SMARCC1: variants seen among roughly 807,000 people sequenced by gnomAD.
SMARCC1 encodes SWI/SNF related BAF chromatin remodeling complex subunit C1.
Under a neutral mutation model 147.4 loss-of-function variants are expected in SMARCC1, and 43 were observed. That is an observed-to-expected ratio of 0.29 (90% CI 0.23 to 0.38). The LOEUF is 0.38. SMARCC1 is among the 10% of genes least tolerant of loss of function. The pLI, the probability that SMARCC1 is intolerant of heterozygous loss-of-function variation, is 1.00. For synonymous variants in SMARCC1, 495 were observed against 484.4 expected (o/e 1.02, Z -0.29); for missense variants, 1,119 against 1,381.1 (o/e 0.81, Z 3.01).
chr3:47,756,611 A>G (rs1172705448), intron 2 of SMARCC1, among the ~76,000 whole-genome samples: 2 of 152,120 alleles, frequency 1.3e-5, no homozygotes, highest in African/African-American at 2.4e-5. Flanking sequence ...AAATTTTACT[A>G]AATTGTTCTG....
Position 47,686,134 on chromosome 3 carries a change from A to C in SMARCC1, c.1300T>G (p.Ser434Ala). The C allele has an allele frequency of 6.2e-7, 1 of 1,612,156 alleles. No individual in the cohort carries two copies. The highest frequency in any genetic ancestry group is 8.5e-7 in the Non-Finnish European group (1 of 1,178,328). ...ACATTATCTTCCCCAAGGTCAACTG[A>C]TCGACTCTGATCACCTTTGGCAGGA... ...EDPAKGDQSR[S>A]VDLGEDNVTE... The change falls in exon 14 of 28, where the codon TCA becomes GCA. Residue 434 changes from serine to alanine, a missense_variant. This residue lies in a region of SMARCC1 where 542 missense variants were observed against 611.8 expected (regional missense o/e 0.89). Coordinates refer to ENST00000254480, the MANE Select transcript of SMARCC1 (RefSeq NM_003074.4).
At chr3:47,779,535 T>C (rs115137156) in intron 1 of SMARCC1, among the ~76,000 whole-genome samples, 1 of 152,212 alleles carries the variant, frequency 6.6e-6, no homozygotes, top group Non-Finnish European at 1.5e-5. Context: ...CTTTACAAAG[T>C]CCTGAGAAGT....
At chr3:47,739,149 A>T (rs1235698617) in intron 3 of SMARCC1, among the ~76,000 whole-genome samples, 1 of 152,212 alleles carries the variant, frequency 6.6e-6, no homozygotes, top group African/African-American at 2.4e-5. Context: ...AGTGACTGAA[A>T]GTAAGGATTG....
intron 6 of SMARCC1, among the ~76,000 whole-genome samples, chr3:47,725,317 G>A (rs2106815769): frequency 6.6e-6 from 1 of 152,098 alleles, no homozygotes; most frequent in South Asian, 2.1e-4. Context: ...GGACTAACGT[G>A]GGAGAAGGGA....
At chr3:47,738,740 G>A (rs1355073917) in intron 3 of SMARCC1, among the ~76,000 whole-genome samples, 7 of 152,034 alleles carry the variant, frequency 4.6e-5, no homozygotes, top group African/African-American at 1.7e-4. Context: ...CTTAGATAAA[G>A]GAAAGCATCT....
In SMARCC1 at chr3:47,662,414, T is replaced by C. The variant is rs2033358649; in HGVS notation, c.2078A>G (p.Asn693Ser). 6.2e-7 allele frequency: 1 copy of C among 1,614,046 alleles called. No homozygotes were observed. The highest frequency in any genetic ancestry group is 8.5e-7 in the Non-Finnish European group (1 of 1,180,022). The change falls in exon 20 of 28, where the codon AAT (asparagine) becomes AGT (serine). Residue 693 changes from asparagine to serine, a missense_variant. Around this residue, in one of 6 missense-constraint regions of SMARCC1, gnomAD observed 178 missense variants for 264.6 expected, o/e 0.67. Transcript: ENST00000254480. ...AAAAGCAACAGTACTCATAACTGGA[T>C]TTCCTGACTGACTGAAGGGGACAGG... is the stretch of plus-strand genomic sequence containing the variant. ...YQPVPFSQSGNPVMSTVAFLA... is the reference protein window; with the variant it reads ...YQPVPFSQSGSPVMSTVAFLA...
chr3:47,657,368 C>T (rs1278400598), intron 21 of SMARCC1, among the ~76,000 whole-genome samples: 1 of 152,140 alleles, frequency 6.6e-6, no homozygotes, highest in Non-Finnish European at 1.5e-5. Flanking sequence ...CACAAATTAC[C>T]TTCTCTGATT....
intron 21 of SMARCC1, among the ~76,000 whole-genome samples, chr3:47,660,874 G>T (rs1321347497): frequency 1.3e-5 from 2 of 152,150 alleles, no homozygotes; most frequent in Non-Finnish European, 2.9e-5. Context: ...CAGTTAAAAT[G>T]AGGAATTTTA....
chr3:47,639,500 T>C (rs1272995213), intron 21 of SMARCC1, among the ~76,000 whole-genome samples: 1 of 152,084 alleles, frequency 6.6e-6, no homozygotes, highest in Non-Finnish European at 1.5e-5. Flanking sequence ...CATCACAAGG[T>C]CAGGAGTTCG....
In SMARCC1 at chr3:47,610,217, G is replaced by T; in HGVS notation, c.2892C>A (p.Gly964=). 1 of 1,614,172 alleles carries T rather than the reference G, an allele frequency of 6.2e-7. No homozygotes were observed. ...ARQQMEQQQH[G]QNPQQAHQHS... is the part of the protein sequence containing the mutation. ...GCTGGTGTGCCTGTTGAGGGTTCTG[G>T]CCATGCTGCTGCTGTTCCATTTGCT... The change falls in exon 26 of 28, where the codon GGC becomes GGA. Residue 964 remains glycine, a synonymous_variant. Coordinates refer to ENST00000254480, the MANE Select transcript of SMARCC1 (RefSeq NM_003074.4).
intron 2 of SMARCC1, among the ~76,000 whole-genome samples, chr3:47,753,480 G>A (rs1370638798): frequency 6.6e-6 from 1 of 151,638 alleles, no homozygotes; most frequent in Admixed American, 6.6e-5. Context: ...TTGGGAGGCC[G>A]AGGCGGGCGG....
chr3:47,780,387 TCTCGAA>T (rs1437322854), intron 1 of SMARCC1, among the ~76,000 whole-genome samples: 2 of 151,950 alleles, frequency 1.3e-5, no homozygotes, highest in Non-Finnish European at 2.9e-5. Flanking sequence ...GTCAGGCTAG[TCTCGAA>T]CTCCTGACCT....
intron 6 of SMARCC1, 66 bp downstream of exon 6, chr3:47,728,959 G>T (rs2034334852): frequency 3.1e-6 from 3 of 965,476 alleles, no homozygotes; most frequent in Admixed American, 2.2e-5. Context: ...GTCTTTGGGG[G>T]TATGACATAA....
chr3:47,762,765 T>C (rs921579667), intron 2 of SMARCC1, among the ~76,000 whole-genome samples: 2 of 151,860 alleles, frequency 1.3e-5, no homozygotes, highest in Non-Finnish European at 2.9e-5. Context: ...CTACTAAAAA[T>C]ATAAGAATTA....
intron 10 of SMARCC1, among the ~76,000 whole-genome samples, chr3:47,702,284 G>T (rs1005202190): frequency 1.3e-5 from 2 of 148,326 alleles, no homozygotes; most frequent in African/African-American, 4.9e-5. Flanking sequence ...GATTACAAGG[G>T]ATATAGGACA....
At chr3:47,685,781 C>T (rs960791821) in intron 14 of SMARCC1, among the ~76,000 whole-genome samples, 1 of 152,020 alleles carries the variant, frequency 6.6e-6, no homozygotes, top group Non-Finnish European at 1.5e-5. Flanking sequence ...CACTTGAAAC[C>T]GGGAGGCAGA....
intron 3 of SMARCC1, among the ~76,000 whole-genome samples, chr3:47,741,098 TTAGAAG>T (rs910358858): frequency 2.6e-5 from 4 of 152,066 alleles, no homozygotes; most frequent in Admixed American, 2.0e-4. Flanking sequence ...TACAAGAAAT[TTAGAAG>T]ACCATGTTAA....
chr3:47,618,805 C>T (rs987783315), intron 25 of SMARCC1, among the ~76,000 whole-genome samples: 4 of 152,030 alleles, frequency 2.6e-5, no homozygotes, highest in Admixed American at 2.6e-4. Flanking sequence ...GAAGAGAAAG[C>T]AATTTAGTGC....
At chr3:47,616,061 T>C (rs1289156218) in intron 25 of SMARCC1, among the ~76,000 whole-genome samples, 1 of 152,224 alleles carries the variant, frequency 6.6e-6, no homozygotes, top group Non-Finnish European at 1.5e-5. Flanking sequence ...AAGCTATAAA[T>C]GGAATCAGCT....
Sources: gnomAD v4.1 joint callset for allele counts (sites outside exome capture counted in the v4.1 genomes callset) on GRCh38, gnomAD v4.1.1 for gene constraint, gnomAD v4.1.1 regional missense constraint, MANE v1.5 for transcripts, NCBI Gene and HGNC (gene_info 2026-07-23, HGNC 2026-07-21) for gene names.